The following DEUP1 variants were observed in gnomAD, a reference collection of about 807,000 sequenced individuals.
The protein encoded by DEUP1 is deuterosome assembly protein 1, also known as coiled-coil domain containing 67.
In DEUP1, 82 loss-of-function variants were observed where a neutral mutation model predicts 87.4. The ratio of observed to expected loss-of-function variants is 0.94; its 90% CI spans 0.78 to 1.13. The LOEUF (loss-of-function observed/expected upper bound fraction) is 1.13, where lower values mean the gene tolerates loss of function less well. Ranked by LOEUF, DEUP1 falls within the 50% of genes most tolerant of loss-of-function variation. The pLI, the probability that DEUP1 is intolerant of heterozygous loss-of-function variation, is 0.00. For missense variants in DEUP1, 663 were observed against 681.5 expected (o/e 0.97, Z 0.30); for synonymous variants, 214 against 222.7 (o/e 0.96, Z 0.35).
chr11:93,351,377 A>G (rs1461077630), intron 2 of DEUP1, among the ~76,000 whole-genome samples: 1 of 152,120 alleles, frequency 6.6e-6, no homozygotes, highest in Non-Finnish European at 1.5e-5. Context: ...TTCTTTAGAG[A>G]TTTATTGAGC....
rs984531362 is a variant in DEUP1 at position 93,362,155 on chromosome 11, G to A, written c.298-2005G>A. ...AGTAAATCTTCATGACCTTGGATTA[G>A]GCAATGGTTTCTTAGATATGGCATC... On this transcript the variant is annotated intron_variant, in intron 4 of 13. Transcript: ENST00000298050. 3.3e-5 allele frequency among the ~76,000 whole-genome samples: 5 copies of A among 152,042 alleles called. No homozygotes were observed. In the East Asian group the frequency reaches 9.7e-4, roughly 29 times the overall value.
At chr11:93,370,891 TAAGA>T in intron 6 of DEUP1, 143 bp from the exon 7 acceptor site, 1 of 705,530 alleles carries the variant, frequency 1.4e-6, no homozygotes, top group South Asian at 2.1e-5. Flanking sequence ...AAAACAAATA[TAAGA>T]CTGAATTACA....
chr11:93,414,914 G>A (rs2134445229), intron 12 of DEUP1, 86 bp from the exon 13 acceptor site: 1 of 659,102 alleles, frequency 1.5e-6, no homozygotes, highest in Non-Finnish European at 2.4e-6. Flanking sequence ...CCCCCTACTT[G>A]GACATCTGAG....
chr11:93,390,388 A>G (rs1300133901), intron 9 of DEUP1, among the ~76,000 whole-genome samples: 1 of 152,224 alleles, frequency 6.6e-6, no homozygotes, highest in Non-Finnish European at 1.5e-5. Flanking sequence ...ACTGTCTGCC[A>G]AAGAGTTGAC....
At chr11:93,418,832 T>C (rs986253506) in intron 13 of DEUP1, among the ~76,000 whole-genome samples, 43 of 152,196 alleles carry the variant, frequency 2.8e-4, no homozygotes, top group Non-Finnish European at 4.7e-4. Context: ...CACATATACA[T>C]CATGGAATGC....
chr11:93,397,399 T>C (rs1005268825), intron 11 of DEUP1, among the ~76,000 whole-genome samples: 1 of 152,296 alleles, frequency 6.6e-6, no homozygotes. Context: ...AAACTGTGTG[T>C]CATCTATGAC....
chr11:93,409,620 C>A (rs910421510), intron 12 of DEUP1, among the ~76,000 whole-genome samples: 8 of 152,272 alleles, frequency 5.3e-5, no homozygotes, highest in Admixed American at 1.3e-4. Context: ...CCAGACCCAA[C>A]TTCATTGCAA....
chr11:93,416,148 A>G (rs1175294743), intron 13 of DEUP1, among the ~76,000 whole-genome samples: 2 of 152,218 alleles, frequency 1.3e-5, no homozygotes, highest in African/African-American at 4.8e-5. Context: ...AAACACTTGC[A>G]AAAGCTAGCA....
chr11:93,351,046 C>T (rs962856864), intron 2 of DEUP1, among the ~76,000 whole-genome samples: 5 of 147,760 alleles, frequency 3.4e-5, no homozygotes, highest in African/African-American at 9.8e-5. Context: ...TATATTTTCA[C>T]ATAATATATA....
At chr11:93,411,024 A>G (rs960911187) in intron 12 of DEUP1, 1 of 152,326 alleles carries the variant, frequency 6.6e-6, no homozygotes, top group Non-Finnish European at 1.5e-5. Context: ...AAGAAACAGT[A>G]TTTCAAATGT....
chr11:93,346,938 T>G lies in DEUP1; in HGVS notation c.30-8433T>G, dbSNP rs573270517. On this transcript the variant is annotated intron_variant, in intron 2 of 13. Transcript: ENST00000298050. ...AAGTTGTTTACCAGCTTAAGGAGTT[T>G]TTGGGTCAAGACTATGGGGTTTCTA... 3.3e-5 allele frequency among the ~76,000 whole-genome samples: 5 copies of G among 152,266 alleles called. No individual in the cohort carries two copies. The East Asian group carries it at 9.7e-4, about 29-fold the overall frequency.
At chr11:93,336,166 G>T (rs189797786) in intron 2 of DEUP1, among the ~76,000 whole-genome samples, 1 of 152,066 alleles carries the variant, frequency 6.6e-6, no homozygotes, top group East Asian at 1.9e-4. Flanking sequence ...CATAGCTGGG[G>T]AGACCTCAGG....
chr11:93,408,189 T>A, intron 11 of DEUP1, 42 bp from the exon 12 acceptor site: 2 of 1,350,654 alleles, frequency 1.5e-6, no homozygotes, highest in East Asian at 5.4e-5. Context: ...GCATTACTTA[T>A]AAGGGGCAGT....
At position 93,371,251 on chromosome 11, in the gene DEUP1, G is replaced by A. The variant is rs200422151; in HGVS notation, c.760G>A (p.Glu254Lys). ...LQDENQKLLQ[E>K]LKMYQRQCQA... is the part of the protein sequence containing the mutation. ...AGATGAAAATCAGAAGCTCTTGCAAGAACTGAAAATGTACCAAAGACAGTG... is the reference window on the plus strand; with the variant it reads ...AGATGAAAATCAGAAGCTCTTGCAAAAACTGAAAATGTACCAAAGACAGTG... The change falls in exon 7 of 14, where the codon GAA becomes AAA. Residue 254 changes from glutamate to lysine, a missense_variant. Physicochemically the swap from Glu to Lys is moderately conservative, Grantham distance 56. Transcript: ENST00000298050. 749 of 1,612,774 alleles carry A rather than the reference G, an allele frequency of 4.6e-4. 1 individual carries two copies. The highest frequency in any genetic ancestry group is 5.7e-4 in the Non-Finnish European group (670 of 1,179,540).
chr11:93,364,348 T>C, intron 5 of DEUP1, 54 bp downstream of exon 5: 4 of 1,507,470 alleles, frequency 2.7e-6, no homozygotes, highest in Non-Finnish European at 2.8e-6. Context: ...ATTCCTATTG[T>C]TGTGGGCTAT....
Position 93,352,209 on chromosome 11 carries a change from A to G in DEUP1, c.30-3162A>G, listed in dbSNP as rs947797484. ...TGCCTCTCCCTCCTGTCCTCCTCCCAGCCACACAAATACATTAGAAGCCTC... is the reference window on the plus strand; with the variant it reads ...TGCCTCTCCCTCCTGTCCTCCTCCCGGCCACACAAATACATTAGAAGCCTC... On this transcript the variant is annotated intron_variant, in intron 2 of 13. Transcript: ENST00000298050. 5.2e-6 allele frequency: 3 copies of G among 581,094 alleles called. No individual in the cohort carries two copies. In the African/African-American group the frequency reaches 5.5e-5, roughly 11 times the overall value. 36.0% of individuals were successfully genotyped at this position (581,094 alleles called of 1,614,324 possible). A position where few individuals can be genotyped will look rare whatever the true frequency, so the allele number is the denominator to read the frequency against.
At chr11:93,410,326 T>G (rs1947399591) in intron 12 of DEUP1, among the ~76,000 whole-genome samples, 1 of 152,048 alleles carries the variant, frequency 6.6e-6, no homozygotes, top group Non-Finnish European at 1.5e-5. Flanking sequence ...AAAAGCAGTG[T>G]AGGAAGGATG....
Position 93,371,266 on chromosome 11 carries a change from CAA to C in DEUP1, c.777_778del (p.Arg260ThrfsTer15). On this transcript the variant is annotated frameshift_variant, in exon 7 of 14. Transcript: ENST00000298050. LOFTEE classifies it high-confidence loss of function. ...QKLLQELKMY[Q>X]RQCQAMEAGL... is the part of the protein sequence containing the mutation. ...GCTCTTGCAAGAACTGAAAATGTAC[CAA>C]AGACAGTGCCAGGTGAAGATTAATT... The C allele has an allele frequency of 6.2e-7, 1 of 1,611,580 alleles. No individual in the cohort carries two copies.
intron 13 of DEUP1, among the ~76,000 whole-genome samples, chr11:93,415,871 A>G (rs2134450283): frequency 6.6e-6 from 1 of 152,052 alleles, no homozygotes; most frequent in Non-Finnish European, 1.5e-5. Context: ...TTCAATGACA[A>G]TAAAATTCAT....
Sources: gnomAD v4.1 joint callset for allele counts (sites outside exome capture counted in the v4.1 genomes callset) on GRCh38, gnomAD v4.1.1 for gene constraint, MANE v1.5 for transcripts, NCBI Gene and HGNC (gene_info 2026-07-23, HGNC 2026-07-21) for gene names.